The following SYN3 variants were observed in gnomAD, a reference collection of about 807,000 sequenced individuals.
The protein encoded by SYN3 is synapsin III.
A neutral mutation model predicts 65.8 loss-of-function variants in SYN3; 35 were observed. The observed-to-expected ratio is 0.53, with a 90% confidence interval of 0.41 to 0.70. The LOEUF is 0.70. SYN3 is among the 30% of genes least tolerant of loss of function. The pLI, the probability that SYN3 is intolerant of heterozygous loss-of-function variation, is 0.00. For missense variants in SYN3, 680 were observed against 749.0 expected (o/e 0.91, Z 1.08); for synonymous variants, 270 against 292.9 (o/e 0.92, Z 0.80).
intron 6 of SYN3, among the ~76,000 whole-genome samples, chr22:32,729,398 AG>A (rs1428725838): frequency 6.6e-6 from 1 of 152,162 alleles, no homozygotes; most frequent in Non-Finnish European, 1.5e-5. Flanking sequence ...CCAGTGGGAG[AG>A]GAAGAAGGGG....
Position 32,510,748 on chromosome 22 carries a change from G to T in SYN3, c.*2944C>A, listed in dbSNP as rs1168015913. On this transcript the variant is annotated 3_prime_UTR_variant, in exon 14 of 14. Transcript: ENST00000358763. ...CAGTGCCCCAGATCCTTCTAATGGG[G>T]GAACCTCACCTGCCCTTGTCAGGAA... Among the ~76,000 whole-genome samples the T allele has an allele frequency of 1.3e-5, 2 of 152,074 alleles. No individual in the cohort carries two copies. Among genetic ancestry groups the T allele is most frequent in the Non-Finnish European group, 2.9e-5 (2 of 68,018 alleles).
chr22:32,818,482 C>T (rs1379957809), intron 6 of SYN3, among the ~76,000 whole-genome samples: 1 of 152,116 alleles, frequency 6.6e-6, no homozygotes, highest in Non-Finnish European at 1.5e-5. Context: ...CCCTTTGAGT[C>T]CTCTGGATGA....
intron 6 of SYN3, among the ~76,000 whole-genome samples, chr22:32,777,709 A>G (rs1391330605): frequency 1.3e-5 from 2 of 152,274 alleles, no homozygotes; most frequent in South Asian, 4.1e-4. Context: ...TGAAACTCAC[A>G]TATTAGCTTT....
intron 10 of SYN3, among the ~76,000 whole-genome samples, chr22:32,532,865 G>C (rs1328219607): frequency 6.6e-6 from 1 of 152,126 alleles, no homozygotes; most frequent in Non-Finnish European, 1.5e-5. Flanking sequence ...ATGGAAGGAG[G>C]GGGCTGGACG....
chr22:32,969,886 A>G (rs1218406488), intron 3 of SYN3, among the ~76,000 whole-genome samples: 1 of 152,234 alleles, frequency 6.6e-6, no homozygotes, highest in Non-Finnish European at 1.5e-5. Context: ...TGCCAACTGA[A>G]TGTTGTATAT....
intron 2 of SYN3, among the ~76,000 whole-genome samples, chr22:32,995,893 C>A (rs951779929): frequency 6.6e-6 from 1 of 152,152 alleles, no homozygotes; most frequent in Non-Finnish European, 1.5e-5. Flanking sequence ...GATCTCCTGA[C>A]CTTGTGGTCT....
At chr22:32,825,332 T>A (rs2047369711) in intron 6 of SYN3, among the ~76,000 whole-genome samples, 1 of 152,062 alleles carries the variant, frequency 6.6e-6, no homozygotes. Flanking sequence ...AACTTCTAGA[T>A]CCAGAGGAAA....
chr22:33,050,445 G>A (rs553847909), intron 1 of SYN3, among the ~76,000 whole-genome samples: 52 of 141,558 alleles, frequency 3.7e-4, no homozygotes, highest in African/African-American at 1.3e-3. Context: ...TCATGCCACC[G>A]CACTCCAGCC....
chr22:33,027,101 T>C (rs532856070), intron 1 of SYN3, among the ~76,000 whole-genome samples: 1 of 152,332 alleles, frequency 6.6e-6, no homozygotes, highest in South Asian at 2.1e-4. Context: ...TGAGAGTTGA[T>C]GTGATTTCTT....
rs552404885 is a variant in SYN3 at position 32,596,933 on chromosome 22, G to A, written c.712-197C>T. 7.2e-5 allele frequency among the ~76,000 whole-genome samples: 11 copies of A among 152,292 alleles called. No homozygotes were observed. In the East Asian group the frequency reaches 2.1e-3, roughly 29 times the overall value. ...GCTTTTGGCTTCCAAAGGAAGCTCTGAGCTCTTAAGACCAGCTTGTCTGGG... is the reference window on the plus strand; with the variant it reads ...GCTTTTGGCTTCCAAAGGAAGCTCTAAGCTCTTAAGACCAGCTTGTCTGGG... On this transcript the variant is annotated intron_variant, in intron 6 of 13. Transcript: ENST00000358763.
intron 4 of SYN3, among the ~76,000 whole-genome samples, chr22:32,903,907 G>T (rs1329633641): frequency 6.6e-6 from 1 of 152,200 alleles, no homozygotes; most frequent in African/African-American, 2.4e-5. Flanking sequence ...GGTTTGTTTT[G>T]CACCTACTAT....
At chr22:32,987,394 T>C (rs1408762634) in intron 2 of SYN3, among the ~76,000 whole-genome samples, 1 of 152,098 alleles carries the variant, frequency 6.6e-6, no homozygotes, top group Non-Finnish European at 1.5e-5. Flanking sequence ...AGAAAGACCT[T>C]GGAACGCAAA....
At chr22:32,988,578 T>A (rs1049828463) in intron 2 of SYN3, among the ~76,000 whole-genome samples, 6 of 151,940 alleles carry the variant, frequency 3.9e-5, no homozygotes, top group African/African-American at 1.5e-4. Context: ...GCTTACTACC[T>A]AATGGGAGGG....
chr22:32,839,844 A>G (rs550944686), intron 6 of SYN3, among the ~76,000 whole-genome samples: 1 of 152,230 alleles, frequency 6.6e-6, no homozygotes, highest in South Asian at 2.1e-4. Context: ...TGACCTTCCT[A>G]AGCCTGTGTT....
chr22:32,997,851 C>G (rs1208289911), intron 2 of SYN3, among the ~76,000 whole-genome samples: 1 of 151,754 alleles, frequency 6.6e-6, no homozygotes, highest in East Asian at 1.9e-4. Context: ...ACGGTGAAAC[C>G]CCCGTCTCTA....
intron 4 of SYN3, among the ~76,000 whole-genome samples, chr22:32,891,190 G>C (rs765081183): frequency 6.6e-6 from 1 of 152,214 alleles, no homozygotes; most frequent in Non-Finnish European, 1.5e-5. Context: ...AGCTATGGCA[G>C]AGGGCTCTTG....
chr22:32,756,833 T>C (rs984397765), intron 6 of SYN3, among the ~76,000 whole-genome samples: 6 of 152,182 alleles, frequency 3.9e-5, no homozygotes, highest in Admixed American at 3.9e-4. Context: ...CCAGTCAATC[T>C]CTTTTCTTGG....
At chr22:32,940,742 T>G (rs751449107) in intron 3 of SYN3, among the ~76,000 whole-genome samples, 1 of 152,344 alleles carries the variant, frequency 6.6e-6, no homozygotes, top group African/African-American at 2.4e-5. Context: ...CTGTTTCAAG[T>G]TGTCACAATT....
chr22:32,576,636 G>A (rs948930610), intron 7 of SYN3, among the ~76,000 whole-genome samples: 20 of 151,744 alleles, frequency 1.3e-4, no homozygotes, highest in African/African-American at 2.7e-4. Flanking sequence ...TTCTTTTCCC[G>A]CCTGGCACAG....
Sources: allele counts gnomAD v4.1 joint callset (sites outside exome capture counted in the v4.1 genomes callset), GRCh38; gene constraint gnomAD v4.1.1; transcripts MANE v1.5; gene names NCBI Gene and HGNC (gene_info 2026-07-23, HGNC 2026-07-21).